The following RRN3 variants were observed in gnomAD, a reference collection of about 807,000 sequenced individuals.
RRN3 encodes the protein RNA polymerase I transcription factor RRN3.
A neutral mutation model predicts 82.3 loss-of-function variants in RRN3; 38 were observed. The ratio of observed to expected loss-of-function variants is 0.46; its 90% CI spans 0.36 to 0.61. The LOEUF is 0.61. Among genes scored for constraint, RRN3 ranks in the 20% least tolerant of loss-of-function variants. The pLI is 0.00. For synonymous variants in RRN3, 284 were observed against 284.3 expected (o/e 1.00, Z 0.01); for missense variants, 726 against 793.1 (o/e 0.92, Z 1.02).
At position 15,075,462 on chromosome 16, in the gene RRN3, C is replaced by T. The variant is rs571291282; in HGVS notation, c.859-601G>A. On this transcript the variant is annotated intron_variant, in intron 10 of 17. Transcript: ENST00000198767. ...GTGGTACACTGTAGTCCCAGCTACT[C>T]GGGGAGGCTGAGGTGGGCAGATCAC... Among the ~76,000 whole-genome samples the T allele has an allele frequency of 6.6e-5, 10 of 151,488 alleles. No homozygotes were observed. In the South Asian group the frequency reaches 1.9e-3, roughly 29 times the overall value.
chr16:15,089,756 C>CAT lies in RRN3; in HGVS notation c.252+1558_252+1559insAT, dbSNP rs1567225721. On this transcript the variant is annotated intron_variant, in intron 3 of 17. Transcript: ENST00000198767. ...CGGAGCTTGCAGTGAGCCAAGATTG[C>CAT]GCCACTGCACTCCAGCCTGGGCGAC... Among the ~76,000 whole-genome samples the CAT allele has an allele frequency of 6.2e-5, 8 of 129,052 alleles. No individual in the cohort carries two copies. In the East Asian group the frequency reaches 1.7e-3, roughly 27 times the overall value. The allele number at this position is 129,052 out of a possible 152,430, so 84.7% of individuals were successfully genotyped here. A position where few individuals can be genotyped will look rare whatever the true frequency, so the allele number is the denominator to read the frequency against.
chr16:15,072,013 C>T (rs1396580927), intron 12 of RRN3, among the ~76,000 whole-genome samples: 5 of 152,130 alleles, frequency 3.3e-5, no homozygotes, highest in South Asian at 2.1e-4. Flanking sequence ...TACGGACTAA[C>T]GCACAGCTGG....
In RRN3 at chr16:15,092,504, C is replaced by G; in HGVS notation, c.195+5G>C. 6.3e-7 allele frequency: 1 copy of G among 1,596,910 alleles called. No homozygotes were observed. Among genetic ancestry groups the G allele is most frequent in the Non-Finnish European group, 8.6e-7 (1 of 1,164,460 alleles). On this transcript the variant is annotated splice_donor_5th_base_variant and intron_variant, in intron 2 of 17. Transcript: ENST00000198767. Reference sequence around the variant, plus strand: ...AAGCAAACCTCACACATTATCTCCCCTTACCTTTTTGTACTTCAGCAAGAC... The same window carrying G: ...AAGCAAACCTCACACATTATCTCCCGTTACCTTTTTGTACTTCAGCAAGAC...
At chr16:15,090,254 G>C (rs1750268689) in intron 3 of RRN3, among the ~76,000 whole-genome samples, 2 of 151,968 alleles carry the variant, frequency 1.3e-5, no homozygotes, top group African/African-American at 4.8e-5. Context: ...AAAAAACATG[G>C]GTAACCTGTC....
At chr16:15,071,495 C>G (rs763979207) in intron 12 of RRN3, among the ~76,000 whole-genome samples, 1 of 152,212 alleles carries the variant, frequency 6.6e-6, no homozygotes, top group African/African-American at 2.4e-5. Context: ...GGGCCAGGCA[C>G]AGTGGCTCAC....
In RRN3 at chr16:15,064,269, G is replaced by A. The variant is rs1248040700; in HGVS notation, c.1706+950C>T. On this transcript the variant is annotated intron_variant, in intron 16 of 17. Coordinates refer to ENST00000198767, the MANE Select transcript of RRN3 (RefSeq NM_018427.5). ...CGGCTCACTGCAACCTCCACCTCCC[G>A]GGTTCAAGAGATTCTCCTGCCTCAG... Among the ~76,000 whole-genome samples the A allele has an allele frequency of 4.0e-5, 6 of 151,834 alleles. No individual in the cohort carries two copies. In the South Asian group the frequency reaches 8.3e-4, roughly 21 times the overall value.
In RRN3 at chr16:15,073,345, T is replaced by G. The variant is rs538191959; in HGVS notation, c.998-265A>C. On this transcript the variant is annotated intron_variant, in intron 11 of 17. Transcript: ENST00000198767. The stretch of plus-strand genomic sequence containing the variant: ...ATGGTGGCACGCCTGTGATCCCAGC[T>G]ACATGGGAGGCTGAGGCGGATGAAC... 2.6e-5 allele frequency among the ~76,000 whole-genome samples: 4 copies of G among 152,180 alleles called. No individual in the cohort carries two copies. The South Asian group carries it at 8.3e-4, about 32-fold the overall frequency.
At chr16:15,079,393 C>G (rs2045602890) in intron 9 of RRN3, among the ~76,000 whole-genome samples, 1 of 152,170 alleles carries the variant, frequency 6.6e-6, no homozygotes, top group Admixed American at 6.5e-5. Flanking sequence ...GAATCCCTTC[C>G]TGACCCCACT....
intron 16 of RRN3, among the ~76,000 whole-genome samples, 199 bp downstream of exon 16, chr16:15,065,020 G>C (rs2044901198): frequency 6.6e-6 from 1 of 152,088 alleles, no homozygotes; most frequent in South Asian, 2.1e-4. Context: ...CAAAAAATTA[G>C]CCAGGCGTGG....
In RRN3 at chr16:15,076,053, G is replaced by A. The variant is rs147730424; in HGVS notation, c.858+505C>T. Among the ~76,000 whole-genome samples, 457 of 152,222 alleles carry A rather than the reference G, an allele frequency of 3.0e-3. 1 individual carries two copies. The highest frequency in any genetic ancestry group is 0.011 in the African/African-American group (443 of 41,542). Reference sequence around the variant, plus strand: ...CAATCCATGCCCCAGAATGCCTGGTGGGAGCAGGCTGTAGCGACCTCCCAA... The same window carrying A: ...CAATCCATGCCCCAGAATGCCTGGTAGGAGCAGGCTGTAGCGACCTCCCAA... On this transcript the variant is annotated intron_variant, in intron 10 of 17. Transcript: ENST00000198767.
chr16:15,072,186 T>C (rs1218359008), intron 12 of RRN3, among the ~76,000 whole-genome samples: 1 of 149,972 alleles, frequency 6.7e-6, no homozygotes, highest in African/African-American at 2.5e-5. Context: ...TCTCCTGATC[T>C]CTAGGAAGCC....
At chr16:15,068,036 C>T (rs538799312) in intron 15 of RRN3, 133 bp downstream of exon 15, 2 of 758,996 alleles carry the variant, frequency 2.6e-6, no homozygotes, top group Admixed American at 2.9e-5. Flanking sequence ...GTTGAGATTA[C>T]AGGTGTCAGC....
In RRN3 at chr16:15,075,002, C is replaced by A. The variant is rs1375457509; in HGVS notation, c.859-141G>T. On this transcript the variant is annotated intron_variant, in intron 10 of 17. Transcript: ENST00000198767. ...AAGCGGCTCACATCTATAAGCCCAG[C>A]ACTTTGGGAAGCAGAGGTGGGGGGA... is the stretch of plus-strand genomic sequence containing the variant. 1.8e-5 allele frequency: 15 copies of A among 833,442 alleles called. 1 individual carries two copies. In the South Asian group the frequency reaches 2.9e-4, roughly 16 times the overall value. 51.6% of individuals were successfully genotyped at this position (833,442 alleles called of 1,614,324 possible). A position where few individuals can be genotyped will look rare whatever the true frequency, so the allele number is the denominator to read the frequency against.
intron 8 of RRN3, among the ~76,000 whole-genome samples, chr16:15,081,671 T>C (rs535114759): frequency 1.3e-5 from 2 of 152,336 alleles, no homozygotes; most frequent in Non-Finnish European, 2.9e-5. Flanking sequence ...ATAACAACGT[T>C]TAATTTTGAA....
rs1014868635 is a variant in RRN3, at chr16:15,066,181, G to A, written c.1554-810C>T. Among the ~76,000 whole-genome samples the A allele has an allele frequency of 2.1e-4, 32 of 152,122 alleles. 1 individual carries two copies. The highest frequency in any genetic ancestry group is 1.0e-3 in the Admixed American group (16 of 15,252). On this transcript the variant is annotated intron_variant, in intron 15 of 17. Transcript: ENST00000198767. The stretch of plus-strand genomic sequence containing the variant: ...TCACAGCACTTGACCCCTCCTCCTG[G>A]TGGAGGACACATCAGCAAAACCACA...
chr16:15,075,515 G>A (rs1160095762), intron 10 of RRN3, among the ~76,000 whole-genome samples: 1 of 151,906 alleles, frequency 6.6e-6, no homozygotes, highest in Non-Finnish European at 1.5e-5. Flanking sequence ...AGGCTGGAGT[G>A]GGCCAAGATC....
chr16:15,072,903 G>A (rs1423173885), intron 12 of RRN3, 47 bp downstream of exon 12: 2 of 1,597,462 alleles, frequency 1.3e-6, no homozygotes, highest in African/African-American at 2.7e-5. Context: ...AAATTTTTGG[G>A]CAAAAACAAA....
chr16:15,082,658 C>T lies in RRN3; in HGVS notation c.666+855G>A, dbSNP rs1379539101. Among the ~76,000 whole-genome samples the T allele has an allele frequency of 7.3e-5, 11 of 151,118 alleles. No homozygotes were observed. In the East Asian group the frequency reaches 1.4e-3, roughly 19 times the overall value. On this transcript the variant is annotated intron_variant, in intron 8 of 17. Coordinates refer to ENST00000198767, the MANE Select transcript of RRN3 (RefSeq NM_018427.5). ...ACTGCACTCCAGCCTGGGTGACAGACGGAGACTGTCCCCCCACCCCTGAAA... is the reference window on the plus strand; with the variant it reads ...ACTGCACTCCAGCCTGGGTGACAGATGGAGACTGTCCCCCCACCCCTGAAA...
At chr16:15,074,014 C>A (rs1165037131) in intron 11 of RRN3, among the ~76,000 whole-genome samples, 1 of 152,182 alleles carries the variant, frequency 6.6e-6, no homozygotes, top group Non-Finnish European at 1.5e-5. Context: ...AAAAAATACT[C>A]TCCTACATAT....
Sources: allele counts gnomAD v4.1 joint callset (sites outside exome capture counted in the v4.1 genomes callset), GRCh38; gene constraint gnomAD v4.1.1; transcripts MANE v1.5; gene names NCBI Gene and HGNC (gene_info 2026-07-23, HGNC 2026-07-21).